Variants in HSPG2 observed in about 807,000 individuals in gnomAD.
HSPG2 encodes the protein heparan sulfate proteoglycan 2.
In HSPG2, 278 loss-of-function variants were observed where a neutral mutation model predicts 526.6. The observed-to-expected ratio is 0.53, with a 90% CI of 0.48 to 0.58. The LOEUF (loss-of-function observed/expected upper bound fraction) is 0.58, where lower values mean the gene tolerates loss of function less well. Ranked by LOEUF, HSPG2 falls within the 20% of genes least tolerant of loss-of-function variation. The probability of loss-of-function intolerance (pLI) is 0.00; values close to 1 mark genes in which losing one functional copy is unlikely to be tolerated. For missense variants in HSPG2, 5,354 were observed against 6,099.5 expected, an observed-to-expected ratio of 0.88 and a Z score of 4.07; for synonymous variants, 2,465 against 2,555.4, an observed-to-expected ratio of 0.96 and a Z score of 1.07.
intron 25 of HSPG2, chr1:21,875,294 T>C (rs753733227): frequency 5.9e-5 from 35 of 595,044 alleles, no homozygotes; most frequent in Non-Finnish European, 9.9e-5. Flanking sequence ...GAAAGAACGA[T>C]CACTCTCCGG....
At position 21,890,027 on chromosome 1, in the gene HSPG2, G is replaced by A. The variant is rs1195189901; in HGVS notation, c.528C>T (p.Ser176=). Reference sequence around the variant, plus strand: ...GGAATCCCTGGGGAGAGGTGACGTAGGAGGCCACAGAGCCGCTGGAGATGA... The same window carrying A: ...GGAATCCCTGGGGAGAGGTGACGTAAGAGGCCACAGAGCCGCTGGAGATGA... ...LRVISSGSVA[S]YVTSPQGFQF... Residue 176 remains serine (S), a synonymous_variant, in exon 6 of 97, where the codon TCC becomes TCT. Coordinates refer to ENST00000374695, the MANE Select transcript of HSPG2 (RefSeq NM_005529.7). This position sits in a 1 kb window ranked among gnomAD's most constrained non-coding sequence, Gnocchi z 4.1. The A allele has an allele frequency of 1.9e-6, 3 of 1,614,080 alleles. No homozygotes were observed. In the Admixed American group the frequency reaches 5.0e-5, roughly 27 times the overall value.
Position 21,833,513 on chromosome 1 carries a change from A to G in HSPG2, c.10932T>C (p.Thr3644=). 1 of 1,614,120 alleles carries G rather than the reference A, an allele frequency of 6.2e-7. No individual in the cohort carries two copies. ...QDAGTYVCTA[T]NRQGKVKAFA... ...AGGCTTTGACCTTGCCCTGGCGGTTAGTGGCGGTGCAGACGTAGGTACCTG... is the reference window on the plus strand; with the variant it reads ...AGGCTTTGACCTTGCCCTGGCGGTTGGTGGCGGTGCAGACGTAGGTACCTG... Residue 3644 remains threonine (T), a synonymous_variant, in exon 79 of 97, where the codon ACT becomes ACC. Coordinates refer to ENST00000374695, the MANE Select transcript of HSPG2 (RefSeq NM_005529.7).
Position 21,824,578 on chromosome 1 carries a change from G to A in HSPG2, c.12703C>T (p.Arg4235Trp), listed in dbSNP as rs747755797. 1.9e-6 allele frequency: 3 copies of A among 1,613,954 alleles called. No homozygotes were observed. The highest frequency in any genetic ancestry group is 2.5e-6 in the Non-Finnish European group (3 of 1,180,024). Residue 4235 changes from arginine (R) to tryptophan (W), a missense_variant, in exon 93 of 97, where the codon CGG becomes TGG. Transcript: ENST00000374695. The surrounding 1 kb of genome is among the most constrained non-coding windows in gnomAD (Gnocchi z 5.9). Reference sequence around the variant, plus strand: ...AGGAGGCCACTGGCTGTGCTGGTCCGAACCTCCAGCTCGATGGTCTCGGGC... The same window carrying A: ...AGGAGGCCACTGGCTGTGCTGGTCCAAACCTCCAGCTCGATGGTCTCGGGC... ...EVPETIELEV[R>W]TSTASGLLLW... is the part of the protein sequence containing the mutation.
chr1:21,863,098 T>C (rs867904045), intron 37 of HSPG2, among the ~76,000 whole-genome samples: 162 of 74,562 alleles, frequency 2.2e-3, no homozygotes, highest in African/African-American at 8.0e-3. Flanking sequence ...AGAGGCTGGG[T>C]GTGGTGGCTC....
intron 45 of HSPG2, 23 bp from the exon 46 acceptor site, chr1:21,855,698 G>A: frequency 8.8e-6 from 14 of 1,585,634 alleles, no homozygotes; most frequent in Non-Finnish European, 1.1e-5. Flanking sequence ...CGTGGGGTCA[G>A]CACCCACCAA....
intron 57 of HSPG2, among the ~76,000 whole-genome samples, 155 bp from the exon 58 acceptor site, chr1:21,849,186 C>T (rs1040324789): frequency 2.0e-5 from 3 of 152,228 alleles, no homozygotes; most frequent in Admixed American, 6.5e-5. Flanking sequence ...TCCTATCTAC[C>T]GCCCCAGTGT....
At chr1:21,908,684 A>G (rs989411487) in intron 1 of HSPG2, 4 of 532,904 alleles carry the variant, frequency 7.5e-6, no homozygotes, top group Non-Finnish European at 9.8e-6. Context: ...CTCACTGCTT[A>G]ATGAGTTTGA....
At chr1:21,836,235 C>T (rs774271100) in intron 75 of HSPG2, among the ~76,000 whole-genome samples, 1 of 152,100 alleles carries the variant, frequency 6.6e-6, no homozygotes, top group Non-Finnish European at 1.5e-5. Context: ...CTCTTTCCTC[C>T]GCTAATAATA....
chr1:21,822,586 C>A lies in HSPG2; in HGVS notation c.*730G>T. On this transcript the variant is annotated 3_prime_UTR_variant, in exon 97 of 97. Transcript: ENST00000374695. ...TGGGCGGGGCCCGGTGGGCGGGGCC[C>A]TATCAGTGCTGGGCTCTGCCTGTAG... The A allele has an allele frequency of 3.2e-6, 1 of 314,932 alleles. No homozygotes were observed. The allele number at this position is 314,932 out of a possible 1,614,324, so 19.5% of individuals were successfully genotyped here. A position where few individuals can be genotyped will look rare whatever the true frequency, so the allele number is the denominator to read the frequency against.
chr1:21,881,508 G>C lies in HSPG2; in HGVS notation c.1655-6C>G. The stretch of plus-strand genomic sequence containing the variant: ...AGGCATTGTCACATTCACACCTGTG[G>C]GTGGCAAGGGGGAGGCTGAGGGCTG... On this transcript the variant is annotated splice_region_variant and splice_polypyrimidine_tract_variant and intron_variant, in intron 13 of 96. Transcript: ENST00000374695. The C allele has an allele frequency of 1.9e-6, 3 of 1,608,690 alleles. No individual in the cohort carries two copies. Among genetic ancestry groups the C allele is most frequent in the South Asian group, 2.2e-5 (2 of 90,946 alleles).
At chr1:21,912,262 C>A (rs945517219) in intron 1 of HSPG2, among the ~76,000 whole-genome samples, 2 of 152,076 alleles carry the variant, frequency 1.3e-5, no homozygotes, top group Non-Finnish European at 2.9e-5. Flanking sequence ...ATAAAAATGA[C>A]CCCCTCACAA....
Position 21,890,661 on chromosome 1 carries a change from G to A in HSPG2, c.278C>T (p.Ser93Phe). 6.2e-7 allele frequency: 1 copy of A among 1,613,938 alleles called. No individual in the cohort carries two copies. Among genetic ancestry groups the A allele is most frequent in the Non-Finnish European group, 8.5e-7 (1 of 1,179,848 alleles). Reference protein sequence around the residue: ...YFRALVNFTRSIEYSPQLEDA... With the variant: ...YFRALVNFTRFIEYSPQLEDA... Reference sequence around the variant, plus strand: ...CTCCAGCTGAGGGCTGTACTCGATGGAGCGAGTGAAATTCACCAGGGCTCG... The same window carrying A: ...CTCCAGCTGAGGGCTGTACTCGATGAAGCGAGTGAAATTCACCAGGGCTCG... The change falls in exon 4 of 97, where the codon TCC (serine) becomes TTC (phenylalanine). Residue 93 changes from serine to phenylalanine, a missense_variant. Ser to Phe is a radical substitution (Grantham distance 155). Transcript: ENST00000374695. The surrounding 1 kb of genome is among the most constrained non-coding windows in gnomAD (Gnocchi z 4.1).
chr1:21,878,369 C>T (rs1641248428), intron 20 of HSPG2, 64 bp downstream of exon 20: 2 of 1,578,372 alleles, frequency 1.3e-6, no homozygotes, highest in Non-Finnish European at 1.7e-6. Context: ...AGGGAGGGTG[C>T]CTGGTGTGCA....
chr1:21,935,119 C>A (rs1490870819), intron 1 of HSPG2, among the ~76,000 whole-genome samples: 3 of 151,762 alleles, frequency 2.0e-5, no homozygotes, highest in Non-Finnish European at 2.9e-5. Context: ...GTTGGCCAGG[C>A]TGGTCTCAAA....
In HSPG2 at chr1:21,876,123, G is replaced by GT. The variant is rs1641044118; in HGVS notation, c.3004-82dup. 5 of 1,576,904 alleles carry GT rather than the reference G, an allele frequency of 3.2e-6. No individual in the cohort carries two copies. In the Admixed American group the frequency reaches 8.6e-5, roughly 27 times the overall value. ...GCTCCAGCCACCTTTTCCATGCAGT[G>GT]TATCTCACTATTCTCCCAAGGCACC... On this transcript the variant is annotated intron_variant, in intron 23 of 96. Transcript: ENST00000374695.
At chr1:21,873,566 C>T in intron 29 of HSPG2, 142 bp from the exon 30 acceptor site, 1 of 898,676 alleles carries the variant, frequency 1.1e-6, no homozygotes, top group Admixed American at 1.9e-5. Flanking sequence ...TACGGGGAAA[C>T]TGGGCAGAGA....
intron 1 of HSPG2, among the ~76,000 whole-genome samples, chr1:21,926,105 C>T (rs1644183895): frequency 6.6e-6 from 1 of 152,176 alleles, no homozygotes; most frequent in African/African-American, 2.4e-5. Context: ...GCTGGGATTA[C>T]AAGTGAGAAT....
rs946520318 is a variant in HSPG2 at position 21,847,036 on chromosome 1, A to G, written c.8164+318T>C. 6.6e-6 allele frequency among the ~76,000 whole-genome samples: 1 copy of G among 152,214 alleles called. No homozygotes were observed. Among genetic ancestry groups the G allele is most frequent in the Non-Finnish European group, 1.5e-5 (1 of 68,034 alleles). On this transcript the variant is annotated intron_variant, in intron 62 of 96. Transcript: ENST00000374695. The surrounding 1 kb of genome is among the most constrained non-coding windows in gnomAD (Gnocchi z 4.1). ...AATGATAATAATAGTTAACACTTAT[A>G]AAGCACTTCTGGCATGCCAGGCACG...
intron 1 of HSPG2, among the ~76,000 whole-genome samples, chr1:21,929,865 A>G (rs1237209316): frequency 1.3e-5 from 2 of 151,766 alleles, no homozygotes; most frequent in African/African-American, 4.8e-5. Flanking sequence ...ACCATCTCCC[A>G]CCTCCGTGGT....
Sources: gnomAD v4.1 joint callset for allele counts (sites outside exome capture counted in the v4.1 genomes callset) on GRCh38, gnomAD v4.1.1 for gene constraint, Gnocchi (gnomAD v3.1) non-coding constraint, MANE v1.5 for transcripts, NCBI Gene and HGNC (gene_info 2026-07-23, HGNC 2026-07-21) for gene names.